The following SLC47A1 variants were observed in gnomAD, a reference collection of about 807,000 sequenced individuals.
The protein encoded by SLC47A1 is multidrug and toxin extrusion protein 1.
A neutral mutation model predicts 65.8 loss-of-function variants in SLC47A1; 58 were observed. The ratio of observed to expected loss-of-function variants is 0.88; its 90% CI spans 0.71 to 1.10. SLC47A1 has a LOEUF of 1.10. Among genes scored for constraint, SLC47A1 ranks in the 50% least tolerant of loss-of-function variants. The pLI, the probability that SLC47A1 is intolerant of heterozygous loss-of-function variation, is 0.00. For synonymous variants in SLC47A1, 285 were observed against 295.0 expected (o/e 0.97, Z 0.35); for missense variants, 706 against 719.2 (o/e 0.98, Z 0.21).
chr17:19,543,586 A>C (rs542726423), intron 2 of SLC47A1, among the ~76,000 whole-genome samples: 1 of 152,292 alleles, frequency 6.6e-6, no homozygotes, highest in South Asian at 2.1e-4. Context: ...TGGGTCTGGA[A>C]GGTAAAAATC....
chr17:19,575,011 T>A (rs2084428292), intron 16 of SLC47A1, among the ~76,000 whole-genome samples: 1 of 152,124 alleles, frequency 6.6e-6, no homozygotes, highest in Admixed American at 6.5e-5. Context: ...AGGGAAAGCA[T>A]TTTGTTAAGT....
At chr17:19,547,540 A>G (rs183155903) in intron 3 of SLC47A1, among the ~76,000 whole-genome samples, 4 of 151,862 alleles carry the variant, frequency 2.6e-5, no homozygotes, top group Admixed American at 2.6e-4. Context: ...TTTTTTTTAA[A>G]AAAAGGTACG....
At position 19,547,969 on chromosome 17, in the gene SLC47A1, G is replaced by A. The variant is rs1320085880; in HGVS notation, c.307-16G>A. ...GGTCTGTGCTAATGGGCTCATTTTG[G>A]CTGTGTGCACCCCAGACGTACGGGA... On this transcript the variant is annotated splice_polypyrimidine_tract_variant and intron_variant, in intron 3 of 16. Coordinates refer to ENST00000270570, the MANE Select transcript of SLC47A1 (RefSeq NM_018242.3). The A allele has an allele frequency of 3.1e-6, 5 of 1,603,034 alleles. No homozygotes were observed. Among genetic ancestry groups the A allele is most frequent in the Non-Finnish European group, 4.3e-6 (5 of 1,172,418 alleles).
chr17:19,563,614 CAA>C (rs1324469309), intron 12 of SLC47A1, among the ~76,000 whole-genome samples: 5 of 152,196 alleles, frequency 3.3e-5, no homozygotes, highest in Admixed American at 6.5e-5. Context: ...CAAAATCTGA[CAA>C]AGTTTGCACA....
intron 5 of SLC47A1, among the ~76,000 whole-genome samples, chr17:19,551,076 C>T (rs1307952901): frequency 2.0e-5 from 3 of 151,990 alleles, no homozygotes; most frequent in African/African-American, 7.2e-5. Flanking sequence ...GATTCCACCA[C>T]ATAGGACCAG....
At chr17:19,568,935 G>A (rs995453983) in intron 14 of SLC47A1, among the ~76,000 whole-genome samples, 10 of 151,860 alleles carry the variant, frequency 6.6e-5, no homozygotes, top group Non-Finnish European at 1.0e-4. Context: ...ATGTTGCCCA[G>A]GCTGGTCTCA....
intron 10 of SLC47A1, 26 bp from the exon 11 acceptor site, chr17:19,560,162 T>G: frequency 6.5e-7 from 1 of 1,537,374 alleles, no homozygotes; most frequent in Non-Finnish European, 8.9e-7. Context: ...TCTCACTCAT[T>G]GTTGCAGGTT....
intron 10 of SLC47A1, among the ~76,000 whole-genome samples, chr17:19,558,774 G>T (rs2084284622): frequency 2.0e-5 from 3 of 152,088 alleles, no homozygotes; most frequent in Non-Finnish European, 4.4e-5. Context: ...GGTTAAGGTG[G>T]TACCTGCCAG....
chr17:19,562,651 T>TCAGGATGAACTTTATGAGGAC (rs1269907400), intron 12 of SLC47A1, among the ~76,000 whole-genome samples: 1 of 151,920 alleles, frequency 6.6e-6, no homozygotes, highest in African/African-American at 2.4e-5. Context: ...ACAAAGGGAA[T>TCAGGATGAACTTTATGAGGAC]CAGGATGAAC....
intron 12 of SLC47A1, among the ~76,000 whole-genome samples, chr17:19,563,715 G>A (rs1027725723): frequency 3.9e-5 from 6 of 152,130 alleles, no homozygotes; most frequent in Admixed American, 1.3e-4. Flanking sequence ...TAGGCTGGGC[G>A]CGGTGGCTCA....
Position 19,556,046 on chromosome 17 carries a change from C to T in SLC47A1, c.905C>T (p.Ala302Val). ...GCTCAGTCCATCGTGTATGAACTGGCCATCATTGTGTACATGGTAAGCAGG... is the reference window on the plus strand; with the variant it reads ...GCTCAGTCCATCGTGTATGAACTGGTCATCATTGTGTACATGGTAAGCAGG... ...LGAQSIVYEL[A>V]IIVYMVPAGF... The change falls in exon 10 of 17, where the codon GCC (alanine) becomes GTC (valine). Residue 302 changes from alanine to valine, a missense_variant. Transcript: ENST00000270570. 6.2e-7 allele frequency: 1 copy of T among 1,614,018 alleles called. No individual in the cohort carries two copies. The highest frequency in any genetic ancestry group is 8.5e-7 in the Non-Finnish European group (1 of 1,180,012).
chr17:19,542,549 T>G (rs1916176529), intron 2 of SLC47A1, 55 bp downstream of exon 2: 1 of 1,377,726 alleles, frequency 7.3e-7, no homozygotes, highest in South Asian at 1.3e-5. Context: ...TGCCTTCTGC[T>G]GCTACTATAA....
chr17:19,563,294 G>C (rs576790984), intron 12 of SLC47A1, among the ~76,000 whole-genome samples: 10 of 151,596 alleles, frequency 6.6e-5, no homozygotes, highest in African/African-American at 2.4e-4. Context: ...CACCACGCTC[G>C]GCTAATTTTT....
At chr17:19,570,401 G>T (rs1224604426) in intron 14 of SLC47A1, among the ~76,000 whole-genome samples, 1 of 152,204 alleles carries the variant, frequency 6.6e-6, no homozygotes, top group Admixed American at 6.5e-5. Flanking sequence ...TGGATAAAAG[G>T]GGAGGCTGCA....
intron 16 of SLC47A1, among the ~76,000 whole-genome samples, chr17:19,576,351 C>CT (rs199805601): frequency 0.048 from 5,947 of 123,332 alleles, 269 homozygotes; most frequent in African/African-American, 0.085. Context: ...TTCTTCCTTC[C>CT]TTTTTTTTTT....
intron 1 of SLC47A1, among the ~76,000 whole-genome samples, chr17:19,537,434 GAGAC>G (rs1159580229): frequency 1.3e-5 from 2 of 152,226 alleles, no homozygotes; most frequent in Non-Finnish European, 2.9e-5. Flanking sequence ...AGCCTGGTCA[GAGAC>G]AGACAGGCCT....
At chr17:19,538,590 G>A (rs1349824398) in intron 1 of SLC47A1, among the ~76,000 whole-genome samples, 1 of 152,262 alleles carries the variant, frequency 6.6e-6, no homozygotes, top group East Asian at 1.9e-4. Flanking sequence ...TGTTCCCCCA[G>A]TGCTGGGATG....
intron 13 of SLC47A1, 111 bp from the exon 14 acceptor site, chr17:19,566,985 A>T: frequency 1.3e-6 from 2 of 1,593,902 alleles, no homozygotes; most frequent in South Asian, 2.2e-5. Context: ...GTTTAGAAGG[A>T]TACTGTCACC....
rs143149959 is a variant in SLC47A1 at position 19,573,146 on chromosome 17, C to T, written c.1486+285C>T. On this transcript the variant is annotated intron_variant, in intron 16 of 16. Transcript: ENST00000270570. Reference sequence around the variant, plus strand: ...ACACTTGGAAATACTGTGCTTCTACCATAGCTTAGAAACTGACATTTGTTT... The same window carrying T: ...ACACTTGGAAATACTGTGCTTCTACTATAGCTTAGAAACTGACATTTGTTT... 8.3e-3 allele frequency among the ~76,000 whole-genome samples: 1,259 copies of T among 152,332 alleles called. 13 individuals carry two copies. Among genetic ancestry groups the T allele is most frequent in the South Asian group, 0.041 (199 of 4,826 alleles).
Sources: allele counts gnomAD v4.1 joint callset (sites outside exome capture counted in the v4.1 genomes callset), GRCh38; gene constraint gnomAD v4.1.1; transcripts MANE v1.5; gene names NCBI Gene and HGNC (gene_info 2026-07-23, HGNC 2026-07-21).